Variants in DPP10 observed in about 807,000 individuals in gnomAD.
DPP10 encodes the protein dipeptidyl peptidase like 10, also known as inactive dipeptidyl peptidase 10.
A neutral mutation model predicts 120.9 loss-of-function variants in DPP10; 33 were observed. That is an observed-to-expected ratio of 0.27 (90% CI 0.21 to 0.37). The LOEUF is 0.37. Ranked by LOEUF, DPP10 falls within the 10% of genes least tolerant of loss-of-function variation. The pLI, the probability that DPP10 is intolerant of heterozygous loss-of-function variation, is 1.00. For missense variants in DPP10, 816 were observed against 942.8 expected, an observed-to-expected ratio of 0.87 and a Z score of 1.76; for synonymous variants, 337 against 326.1, an observed-to-expected ratio of 1.03 and a Z score of -0.36.
intron 3 of DPP10, among the ~76,000 whole-genome samples, chr2:115,348,486 T>G: frequency 6.6e-6 from 1 of 151,546 alleles, no homozygotes; most frequent in East Asian, 1.9e-4. Context: ...GTTTACATAG[T>G]TTTTTTTTAT....
intron 5 of DPP10, among the ~76,000 whole-genome samples, chr2:115,643,554 T>C (rs184638281): frequency 1.1e-3 from 175 of 152,306 alleles, no homozygotes; most frequent in African/African-American, 3.6e-3. Context: ...AACAGAACAC[T>C]GGATGATTCT....
intron 1 of DPP10, among the ~76,000 whole-genome samples, chr2:115,236,851 A>G (rs1452284921): frequency 6.6e-6 from 1 of 152,174 alleles, no homozygotes; most frequent in Non-Finnish European, 1.5e-5. Flanking sequence ...TTCCCTGTTA[A>G]GGAAAATAGT....
intron 1 of DPP10, among the ~76,000 whole-genome samples, chr2:115,176,247 T>A (rs2053680419): frequency 2.0e-5 from 3 of 148,462 alleles, no homozygotes; most frequent in South Asian, 2.1e-4. Context: ...TTTATATATG[T>A]TGTATATTTA....
intron 1 of DPP10, among the ~76,000 whole-genome samples, chr2:114,568,256 A>G (rs1459553914): frequency 6.6e-6 from 1 of 152,078 alleles, no homozygotes; most frequent in Non-Finnish European, 1.5e-5. Flanking sequence ...AAGTCAGGGT[A>G]TTTGGGGTAT....
chr2:115,379,661 A>G (rs568446734), intron 3 of DPP10, among the ~76,000 whole-genome samples: 8 of 151,600 alleles, frequency 5.3e-5, no homozygotes, highest in Non-Finnish European at 1.0e-4. Flanking sequence ...TCAATTTTGG[A>G]TCTTTCCTGC....
chr2:115,774,866 A>G (rs1469452067), intron 13 of DPP10, among the ~76,000 whole-genome samples: 2 of 152,174 alleles, frequency 1.3e-5, no homozygotes, highest in African/African-American at 4.8e-5. Flanking sequence ...TAGATGTTAT[A>G]ATAAAACTAT....
At chr2:115,425,238 G>A (rs1456512908) in intron 3 of DPP10, among the ~76,000 whole-genome samples, 1 of 152,154 alleles carries the variant, frequency 6.6e-6, no homozygotes, top group Non-Finnish European at 1.5e-5. Flanking sequence ...GCAAGGGGTA[G>A]TTGGATAGAT....
chr2:114,518,860 T>C (rs1463426487), intron 1 of DPP10, among the ~76,000 whole-genome samples: 2 of 152,224 alleles, frequency 1.3e-5, no homozygotes, highest in Non-Finnish European at 2.9e-5. Flanking sequence ...TCAGCTCAGC[T>C]TTTCAAACTG....
intron 1 of DPP10, among the ~76,000 whole-genome samples, chr2:114,996,980 C>CA (rs34287029): frequency 0.35 from 23,245 of 65,950 alleles, 3,603 homozygotes; most frequent in Non-Finnish European, 0.42. Flanking sequence ...GACTCCATCT[C>CA]AAAAAAAAAA....
In DPP10 at chr2:115,834,507, T is replaced by A. The variant is rs1689249694; in HGVS notation, c.1951-1650T>A. On this transcript the variant is annotated intron_variant, in intron 21 of 25. Transcript: ENST00000410059. Reference sequence around the variant, plus strand: ...AAAACAGATAGCTCAGTAGGTCATTTTTTTTTTTCAGCATTACTGTAATTA... The same window carrying A: ...AAAACAGATAGCTCAGTAGGTCATTATTTTTTTTCAGCATTACTGTAATTA... Among the ~76,000 whole-genome samples, 4 of 151,966 alleles carry A rather than the reference T, an allele frequency of 2.6e-5. No individual in the cohort carries two copies. The South Asian group carries it at 8.3e-4, about 32-fold the overall frequency.
At chr2:115,751,807 T>TG (rs1156941342) in intron 10 of DPP10, among the ~76,000 whole-genome samples, 201 of 151,830 alleles carry the variant, frequency 1.3e-3, no homozygotes, top group East Asian at 0.012. Context: ...TTTGTTGTTT[T>TG]TTTTTTTTTG....
intron 1 of DPP10, among the ~76,000 whole-genome samples, chr2:114,511,705 A>C (rs1485052873): frequency 6.6e-6 from 1 of 152,230 alleles, no homozygotes; most frequent in Non-Finnish European, 1.5e-5. Flanking sequence ...GTGAAGACAC[A>C]CAGGATATGT....
chr2:115,424,439 C>T (rs1320095452), intron 3 of DPP10, among the ~76,000 whole-genome samples: 1 of 151,436 alleles, frequency 6.6e-6, no homozygotes, highest in East Asian at 1.9e-4. Flanking sequence ...ACAGATTATT[C>T]TGCCTTAGTG....
chr2:115,281,362 G>A (rs555889932), intron 1 of DPP10, among the ~76,000 whole-genome samples: 6 of 152,228 alleles, frequency 3.9e-5, no homozygotes, highest in Admixed American at 2.0e-4. Flanking sequence ...CAGAATTCCC[G>A]TAGAGTAATT....
chr2:114,945,006 C>T (rs1472994190), intron 1 of DPP10, among the ~76,000 whole-genome samples: 1 of 152,118 alleles, frequency 6.6e-6, no homozygotes, highest in Non-Finnish European at 1.5e-5. Context: ...GTCTCTTCAA[C>T]AAATGATATT....
intron 1 of DPP10, among the ~76,000 whole-genome samples, chr2:114,904,507 A>G (rs1693818605): frequency 6.6e-6 from 1 of 152,216 alleles, no homozygotes; most frequent in Admixed American, 6.5e-5. Flanking sequence ...TGAATTGAGG[A>G]AGACATTATT....
intron 3 of DPP10, among the ~76,000 whole-genome samples, chr2:115,446,404 C>T (rs1003883843): frequency 2.0e-5 from 3 of 152,076 alleles, no homozygotes; most frequent in African/African-American, 7.2e-5. Context: ...CCTCCAGACC[C>T]CAGAATGGCA....
chr2:114,468,694 A>G (rs1310222540), intron 1 of DPP10, among the ~76,000 whole-genome samples: 2 of 152,190 alleles, frequency 1.3e-5, no homozygotes, highest in Non-Finnish European at 2.9e-5. Context: ...AAATTGAATG[A>G]GAACTTTAAA....
intron 1 of DPP10, among the ~76,000 whole-genome samples, chr2:115,136,354 A>G (rs1393143208): frequency 6.6e-6 from 1 of 152,058 alleles, no homozygotes; most frequent in African/African-American, 2.4e-5. Flanking sequence ...GATGATGTGG[A>G]TGTCCTATGA....
Sources: gnomAD v4.1 joint callset for allele counts (sites outside exome capture counted in the v4.1 genomes callset) on GRCh38, gnomAD v4.1.1 for gene constraint, MANE v1.5 for transcripts, NCBI Gene and HGNC (gene_info 2026-07-23, HGNC 2026-07-21) for gene names.